The following RPH3AL variants were observed in gnomAD, a reference collection of about 807,000 sequenced individuals.
RPH3AL encodes rabphilin 3A like (without C2 domains).
A neutral mutation model predicts 43.1 loss-of-function variants in RPH3AL; 38 were observed. The ratio of observed to expected loss-of-function variants is 0.88; its 90% CI spans 0.68 to 1.15. RPH3AL has a LOEUF of 1.15. Ranked by LOEUF, RPH3AL falls within the 50% of genes most tolerant of loss-of-function variation. RPH3AL has a pLI of 0.00. For synonymous variants in RPH3AL, 189 were observed against 176.3 expected (o/e 1.07, Z -0.57); for missense variants, 462 against 423.2 (o/e 1.09, Z -0.81).
intron 5 of RPH3AL, among the ~76,000 whole-genome samples, chr17:291,378 C>G (rs1191286351): frequency 6.6e-6 from 1 of 152,080 alleles, no homozygotes; most frequent in Non-Finnish European, 1.5e-5. Flanking sequence ...CCCCACCCCC[C>G]ATCTCATTTT....
Position 213,721 on chromosome 17 carries a change from C to T in RPH3AL, c.*131G>A. On this transcript the variant is annotated 3_prime_UTR_variant, in exon 10 of 10. Transcript: ENST00000331302. ...GGCACTGAGCTGGGGAGGCAGACGG[C>T]TCCCAACACTGGTTTGTTGAGTCAT... 1.3e-6 allele frequency: 1 copy of T among 751,036 alleles called. No individual in the cohort carries two copies. Among genetic ancestry groups the T allele is most frequent in the Middle Eastern group, 3.6e-4 (1 of 2,792 alleles). 46.5% of individuals were successfully genotyped at this position (751,036 alleles called of 1,614,324 possible). A position where few individuals can be genotyped will look rare whatever the true frequency, so the allele number is the denominator to read the frequency against.
Position 351,634 on chromosome 17 carries a change from C to T in RPH3AL, c.-213+1078G>A, listed in dbSNP as rs188812004. On this transcript the variant is annotated intron_variant, in intron 1 of 9. Transcript: ENST00000331302. ...AGCATGCAATTTCCAAAGCACAGGCCTCCACACGCCACCAGCCATCCCCAC... is the reference window on the plus strand; with the variant it reads ...AGCATGCAATTTCCAAAGCACAGGCTTCCACACGCCACCAGCCATCCCCAC... 6.0e-3 allele frequency among the ~76,000 whole-genome samples: 909 copies of T among 152,176 alleles called. 14 individuals carry two copies. Among genetic ancestry groups the T allele is most frequent in the African/African-American group, 0.021 (878 of 41,526 alleles).
At chr17:344,164 A>G (rs2045191665) in intron 1 of RPH3AL, among the ~76,000 whole-genome samples, 1 of 131,992 alleles carries the variant, frequency 7.6e-6, no homozygotes, top group Non-Finnish European at 1.7e-5. Context: ...CATTTTTACC[A>G]TCATGATCAC....
chr17:278,559 C>T (rs1055145509), intron 6 of RPH3AL, among the ~76,000 whole-genome samples: 2 of 152,120 alleles, frequency 1.3e-5, no homozygotes, highest in Admixed American at 6.5e-5. Context: ...CACATAGCCA[C>T]AGAAGATGCT....
In RPH3AL at chr17:321,333, C is replaced by T; in HGVS notation, c.160G>A (p.Ala54Thr). Residue 54 changes from alanine (A) to threonine (T), a missense_variant, in exon 4 of 10, where the codon GCC becomes ACC. Coordinates refer to ENST00000331302, the MANE Select transcript of RPH3AL (RefSeq NM_006987.4). ...GCCCTCTGGATGACCTGCAGGATGG[C>T]CTCCACCTCCGCCGGGCTGAGGTGC... is the stretch of plus-strand genomic sequence containing the variant. ...KQHLSPAEVEAILQVIQRAER... is the reference protein window; with the variant it reads ...KQHLSPAEVETILQVIQRAER... 1.4e-5 allele frequency: 23 copies of T among 1,611,518 alleles called. No homozygotes were observed. The highest frequency in any genetic ancestry group is 1.9e-5 in the Non-Finnish European group (23 of 1,179,928).
intron 7 of RPH3AL, among the ~76,000 whole-genome samples, chr17:235,243 ACGGGTCCAGGGTCCAAAGC>A (rs2041339676): frequency 2.0e-5 from 3 of 148,196 alleles, no homozygotes; most frequent in Non-Finnish European, 4.5e-5. Flanking sequence ...CACTAACAAG[ACGGGTCCAGGGTCCAAAGC>A]TGGGGTCGGC....
rs1683492314 is a variant in RPH3AL at position 215,342 on chromosome 17, CA to C, written c.876+311del. 1.3e-5 allele frequency among the ~76,000 whole-genome samples: 2 copies of C among 152,212 alleles called. No homozygotes were observed. The highest frequency in any genetic ancestry group is 2.9e-5 in the Non-Finnish European group (2 of 68,034). On this transcript the variant is annotated intron_variant, in intron 9 of 9. Transcript: ENST00000331302. The surrounding 1 kb of genome is among the most constrained non-coding windows in gnomAD (Gnocchi z 4.1). ...CCATCAAATGGGACAATAAGCCTCC[CA>C]GCCACTCTGCCAAGAGAATGAAAGT...
At chr17:281,449 C>T (rs546427604) in intron 6 of RPH3AL, among the ~76,000 whole-genome samples, 1 of 152,196 alleles carries the variant, frequency 6.6e-6, no homozygotes, top group East Asian at 1.9e-4. Flanking sequence ...ATAACAGCCC[C>T]CACAAACACC....
intron 6 of RPH3AL, among the ~76,000 whole-genome samples, chr17:278,836 G>A (rs527372281): frequency 6.6e-6 from 1 of 152,254 alleles, no homozygotes; most frequent in Admixed American, 6.5e-5. Context: ...AAAGCAGATG[G>A]GCTGAGGCTC....
rs1425121537 is a variant in RPH3AL at position 292,834 on chromosome 17, C to T, written c.352-10980G>A. On this transcript the variant is annotated intron_variant, in intron 5 of 9. Transcript: ENST00000331302. ...CCGGGGGCCAGCAGCGCTGGGAGCACGCCGAGCCCTGGACCTTACCCCGAC... is the reference window on the plus strand; with the variant it reads ...CCGGGGGCCAGCAGCGCTGGGAGCATGCCGAGCCCTGGACCTTACCCCGAC... Among the ~76,000 whole-genome samples the T allele has an allele frequency of 7.2e-5, 11 of 152,360 alleles. No homozygotes were observed. In the East Asian group the frequency reaches 1.5e-3, roughly 21 times the overall value.
chr17:306,074 T>C (rs1567632580), intron 5 of RPH3AL, among the ~76,000 whole-genome samples: 1 of 149,882 alleles, frequency 6.7e-6, no homozygotes, highest in Non-Finnish European at 1.5e-5. Flanking sequence ...TTACCCAGGC[T>C]GGTCTCAGAC....
chr17:307,186 CGCGGCAG>C (rs2043511986), intron 5 of RPH3AL, among the ~76,000 whole-genome samples: 5 of 147,864 alleles, frequency 3.4e-5, no homozygotes, highest in Admixed American at 6.8e-5. Flanking sequence ...AGATCCTCCC[CGCGGCAG>C]GTCCTCCCCA....
chr17:294,454 G>A (rs1030529325), intron 5 of RPH3AL, among the ~76,000 whole-genome samples: 16 of 152,204 alleles, frequency 1.1e-4, no homozygotes, highest in African/African-American at 2.7e-4. Context: ...ACCCAGACTC[G>A]AATTTTAAAA....
intron 5 of RPH3AL, among the ~76,000 whole-genome samples, chr17:304,629 C>T (rs996334418): frequency 1.6e-4 from 24 of 152,026 alleles, no homozygotes; most frequent in African/African-American, 3.9e-4. Flanking sequence ...CGATTCCACC[C>T]GGCCAGGGCA....
intron 5 of RPH3AL, 92 bp from the exon 6 acceptor site, chr17:281,946 A>G (rs1213342598): frequency 1.1e-6 from 1 of 922,834 alleles, no homozygotes; most frequent in Admixed American, 1.8e-5. Flanking sequence ...GACACTTAGC[A>G]TCTTCCAAGG....
intron 5 of RPH3AL, among the ~76,000 whole-genome samples, chr17:313,738 G>T (rs1215843500): frequency 1.3e-5 from 2 of 152,170 alleles, no homozygotes; most frequent in African/African-American, 4.8e-5. Flanking sequence ...GCGTCGGCAG[G>T]ACCCAGAACA....
intron 6 of RPH3AL, among the ~76,000 whole-genome samples, chr17:265,247 C>A (rs1285831711): frequency 6.6e-6 from 1 of 152,026 alleles, no homozygotes; most frequent in African/African-American, 2.4e-5. Context: ...CCACCATGCC[C>A]AGCTAATTTA....
chr17:272,944 C>T (rs1215504768), intron 6 of RPH3AL, among the ~76,000 whole-genome samples: 10 of 43,184 alleles, frequency 2.3e-4, no homozygotes, highest in African/African-American at 4.3e-4. Context: ...CAGGGAGAGA[C>T]CCCAGCAAGG....
At chr17:314,155 G>A (rs536884900) in intron 5 of RPH3AL, among the ~76,000 whole-genome samples, 3 of 152,182 alleles carry the variant, frequency 2.0e-5, no homozygotes, top group South Asian at 2.1e-4. Flanking sequence ...CACCAGCAGC[G>A]GCCTCTGCAG....
Sources: gnomAD v4.1 joint callset for allele counts (sites outside exome capture counted in the v4.1 genomes callset) on GRCh38, gnomAD v4.1.1 for gene constraint, Gnocchi (gnomAD v3.1) non-coding constraint, MANE v1.5 for transcripts, NCBI Gene and HGNC (gene_info 2026-07-23, HGNC 2026-07-21) for gene names.